Variants in USP13 observed in about 807,000 individuals in gnomAD.
USP13 encodes the protein ubiquitin carboxyl-terminal hydrolase 13.
USP13 carries 68 observed loss-of-function variants against 107.8 expected under a neutral mutation model. The observed-to-expected ratio is 0.63, with a 90% CI of 0.52 to 0.77. USP13 has a LOEUF of 0.77. Ranked by LOEUF, USP13 falls within the 30% of genes least tolerant of loss-of-function variation. USP13 has a pLI of 0.00. For missense variants in USP13, 945 were observed against 1,093.3 expected (o/e 0.86, Z 1.91); for synonymous variants, 377 against 389.5 (o/e 0.97, Z 0.38).
intron 2 of USP13, among the ~76,000 whole-genome samples, chr3:179,689,345 C>T (rs1712018290): frequency 6.6e-6 from 1 of 152,090 alleles, no homozygotes; most frequent in African/African-American, 2.4e-5. Context: ...CTGCTGATGG[C>T]TTCCATCATA....
intron 6 of USP13, among the ~76,000 whole-genome samples, chr3:179,712,240 T>C (rs80091987): frequency 0.041 from 6,187 of 152,308 alleles, 368 homozygotes; most frequent in African/African-American, 0.13. Flanking sequence ...TTAAAATTGC[T>C]AAATAGAGTA....
chr3:179,775,878 A>G (rs1378117545), intron 19 of USP13, among the ~76,000 whole-genome samples: 2 of 151,788 alleles, frequency 1.3e-5, no homozygotes, highest in Non-Finnish European at 2.9e-5. Context: ...CTCCCTCCAC[A>G]CCTTGCAAGC....
At chr3:179,774,823 C>T (rs1310324942) in intron 19 of USP13, among the ~76,000 whole-genome samples, 2 of 152,138 alleles carry the variant, frequency 1.3e-5, no homozygotes, top group Non-Finnish European at 1.5e-5. Flanking sequence ...GTCCATTTTA[C>T]AGAGAGCTGA....
rs1174106686 is a variant in USP13 at position 179,698,802 on chromosome 3, T to G, written c.356-2206T>G. On this transcript the variant is annotated intron_variant, in intron 3 of 20. Transcript: ENST00000263966. ...TTGTGTTTTTAGCATTAACATAGCA[T>G]AAACATTTTCTGTTCCTACATAGTC... is the stretch of plus-strand genomic sequence containing the variant. Among the ~76,000 whole-genome samples, 3 of 152,104 alleles carry G rather than the reference T, an allele frequency of 2.0e-5. No homozygotes were observed. In the East Asian group the frequency reaches 5.8e-4, roughly 29 times the overall value.
chr3:179,659,357 T>C (rs1720388814), intron 1 of USP13, among the ~76,000 whole-genome samples: 1 of 152,166 alleles, frequency 6.6e-6, no homozygotes, highest in Non-Finnish European at 1.5e-5. Flanking sequence ...TAATGACATC[T>C]CACATGTATA....
chr3:179,703,409 A>G (rs1481798336), intron 4 of USP13, among the ~76,000 whole-genome samples: 1 of 152,174 alleles, frequency 6.6e-6, no homozygotes, highest in Non-Finnish European at 1.5e-5. Context: ...GAAGAATTTC[A>G]TTTTCAGAGA....
At chr3:179,681,399 C>T (rs570839877) in intron 1 of USP13, among the ~76,000 whole-genome samples, 173 of 152,086 alleles carry the variant, frequency 1.1e-3, no homozygotes, top group African/African-American at 4.1e-3. Context: ...TTAGCTGAAG[C>T]AATTTTTACA....
In USP13 at chr3:179,784,982, GT is replaced by G. The variant is rs1715876127; in HGVS notation, c.*844del. The G allele has an allele frequency of 6.6e-6, 1 of 152,196 alleles. No individual in the cohort carries two copies. Among genetic ancestry groups the G allele is most frequent in the South Asian group, 2.1e-4 (1 of 4,820 alleles). 9.4% of individuals were successfully genotyped at this position (152,196 alleles called of 1,614,324 possible). A position where few individuals can be genotyped will look rare whatever the true frequency, so the allele number is the denominator to read the frequency against. On this transcript the variant is annotated 3_prime_UTR_variant, in exon 21 of 21. Transcript: ENST00000263966. ...TAAGTGCTGTCAAGAATTCACTTGG[GT>G]TTGGGACATTTGCTGGTGTAATGCT...
chr3:179,692,613 T>C (rs112645994), intron 3 of USP13, among the ~76,000 whole-genome samples: 2,032 of 152,352 alleles, frequency 0.013, 23 homozygotes, highest in Middle Eastern at 0.048. Context: ...ATAGATCATA[T>C]GATTTCATTT....
In USP13 at chr3:179,742,156, A is replaced by AT. The variant is rs1274713008; in HGVS notation, c.1381-40dup. ...TTTTCTACTAAGTCTTAGTGGCTCA[A>AT]TATTCATACATTTACTAACCTGATA... is the stretch of plus-strand genomic sequence containing the variant. On this transcript the variant is annotated intron_variant, in intron 11 of 20. Transcript: ENST00000263966. This position sits in a 1 kb window ranked among gnomAD's most constrained non-coding sequence, Gnocchi z 5.0. 6.2e-7 allele frequency: 1 copy of AT among 1,612,796 alleles called. No individual in the cohort carries two copies. Among genetic ancestry groups the AT allele is most frequent in the Non-Finnish European group, 8.5e-7 (1 of 1,178,920 alleles).
At chr3:179,756,235 C>T (rs974557858) in intron 15 of USP13, among the ~76,000 whole-genome samples, 7 of 152,110 alleles carry the variant, frequency 4.6e-5, no homozygotes, top group South Asian at 4.2e-4. Context: ...CCATCCTGGC[C>T]AACATGGTGA....
In USP13 at chr3:179,678,531, A is replaced by T. The variant is rs762838803; in HGVS notation, c.169-3347A>T. On this transcript the variant is annotated intron_variant, in intron 1 of 20. Transcript: ENST00000263966. This position sits in a 1 kb window ranked among gnomAD's most constrained non-coding sequence, Gnocchi z 4.2. ...TCTGTCACCCAGGCTGGATGGCACAATCATGGCTCACTGCAACCTTGACCT... is the reference window on the plus strand; with the variant it reads ...TCTGTCACCCAGGCTGGATGGCACATTCATGGCTCACTGCAACCTTGACCT... Among the ~76,000 whole-genome samples the T allele has an allele frequency of 4.6e-5, 7 of 151,902 alleles. No homozygotes were observed. Among genetic ancestry groups the T allele is most frequent in the Non-Finnish European group, 1.0e-4 (7 of 67,988 alleles).
rs574377682 is a variant in USP13, at chr3:179,716,985, G to C, written c.806-2955G>C. Among the ~76,000 whole-genome samples the C allele has an allele frequency of 2.6e-5, 4 of 152,276 alleles. No individual in the cohort carries two copies. In the East Asian group the frequency reaches 7.7e-4, roughly 29 times the overall value. On this transcript the variant is annotated intron_variant, in intron 6 of 20. Coordinates refer to ENST00000263966, the MANE Select transcript of USP13 (RefSeq NM_003940.3). The stretch of plus-strand genomic sequence containing the variant: ...GTCATTTAACTTGAAATGAAAGGAT[G>C]ACTGGTTTGCTTCTAAAATGAATGC...
intron 19 of USP13, among the ~76,000 whole-genome samples, chr3:179,779,755 G>T (rs1293153472): frequency 6.9e-6 from 1 of 144,620 alleles, no homozygotes; most frequent in Non-Finnish European, 1.5e-5. Flanking sequence ...AAAAAAGAAA[G>T]AAAAAAAACC....
In USP13 at chr3:179,708,944, T is replaced by G. The variant is rs769678747; in HGVS notation, c.792T>G (p.Thr264=). Residue 264 remains threonine (T), a synonymous_variant, in exon 6 of 21, where the codon ACT becomes ACG. Transcript: ENST00000263966. ...YPLAVKLGTI[T]PDGADVYSFQ... ...TAGCCGTGAAACTGGGAACCATCAC[T>G]CCTGACGGGGCAGGTGAGTGCGCCT... 1 of 1,614,096 alleles carries G rather than the reference T, an allele frequency of 6.2e-7. No individual in the cohort carries two copies. The highest frequency in any genetic ancestry group is 1.7e-5 in the Admixed American group (1 of 60,024).
chr3:179,699,970 G>A lies in USP13; in HGVS notation c.356-1038G>A, dbSNP rs183743466. The stretch of plus-strand genomic sequence containing the variant: ...CTATAGAGCCTATGTTTCTGTGTGT[G>A]TTCATGGGCCTGTTCATGTGTAGGT... On this transcript the variant is annotated intron_variant, in intron 3 of 20. Coordinates refer to ENST00000263966, the MANE Select transcript of USP13 (RefSeq NM_003940.3). 3.3e-3 allele frequency among the ~76,000 whole-genome samples: 497 copies of A among 152,036 alleles called. 1 individual carries two copies. Among genetic ancestry groups the A allele is most frequent in the African/African-American group, 0.011 (461 of 41,470 alleles).
chr3:179,752,590 A>G (rs962393582), intron 14 of USP13, among the ~76,000 whole-genome samples: 2 of 152,216 alleles, frequency 1.3e-5, no homozygotes, highest in African/African-American at 2.4e-5. Flanking sequence ...GGAATGACCA[A>G]ATTCTAAGAG....
At chr3:179,734,773 A>G (rs1387055279) in intron 10 of USP13, among the ~76,000 whole-genome samples, 1 of 152,246 alleles carries the variant, frequency 6.6e-6, no homozygotes, top group Non-Finnish European at 1.5e-5. Flanking sequence ...AATTTAAATC[A>G]ACAGACTTCA....
At chr3:179,669,278 T>C (rs370766084) in intron 1 of USP13, among the ~76,000 whole-genome samples, 1 of 152,118 alleles carries the variant, frequency 6.6e-6, no homozygotes, top group Non-Finnish European at 1.5e-5. Flanking sequence ...CTAGCCAACA[T>C]GGTGAAACTC....
Sources: gnomAD v4.1 joint callset for allele counts (sites outside exome capture counted in the v4.1 genomes callset) on GRCh38, gnomAD v4.1.1 for gene constraint, Gnocchi (gnomAD v3.1) non-coding constraint, MANE v1.5 for transcripts, NCBI Gene and HGNC (gene_info 2026-07-23, HGNC 2026-07-21) for gene names.